The following GRXCR2 variants were observed in gnomAD, a reference collection of about 807,000 sequenced individuals.
GRXCR2 encodes glutaredoxin and cysteine rich domain containing 2.
A neutral mutation model predicts 24.8 loss-of-function variants in GRXCR2; 23 were observed. The ratio of observed to expected loss-of-function variants is 0.93; its 90% CI spans 0.67 to 1.32. The LOEUF (loss-of-function observed/expected upper bound fraction) is 1.32. Among genes scored for constraint, GRXCR2 ranks in the 40% most tolerant of loss-of-function variants. GRXCR2 has a pLI of 0.00. For missense variants in GRXCR2, 315 were observed against 303.4 expected (o/e 1.04, Z -0.28); for synonymous variants, 130 against 116.1 (o/e 1.12, Z -0.77).
At chr5:145,892,780 A>G (rs1404726731) in intron 2 of GRXCR2, among the ~76,000 whole-genome samples, 1 of 152,330 alleles carries the variant, frequency 6.6e-6, no homozygotes, top group East Asian at 1.9e-4. Context: ...AAGTACAAAG[A>G]ATGCCACAAA....
At chr5:145,893,043 G>C (rs1166185317) in intron 2 of GRXCR2, among the ~76,000 whole-genome samples, 1 of 152,120 alleles carries the variant, frequency 6.6e-6, no homozygotes, top group Admixed American at 6.5e-5. Context: ...AGCTTCATAA[G>C]TGAAGGAGAA....
chr5:145,912,090 C>T (rs1193839379), intron 2 of GRXCR2, among the ~76,000 whole-genome samples: 1 of 152,168 alleles, frequency 6.6e-6, no homozygotes, highest in African/African-American at 2.4e-5. Flanking sequence ...GAGTGAGACC[C>T]TATCTCAAAA....
chr5:145,910,603 C>T (rs1362213560), intron 2 of GRXCR2, among the ~76,000 whole-genome samples: 3 of 152,078 alleles, frequency 2.0e-5, no homozygotes, highest in South Asian at 4.1e-4. Context: ...TGATTACATA[C>T]TATCCACTAT....
chr5:145,917,029 T>C (rs186904379), intron 2 of GRXCR2, among the ~76,000 whole-genome samples: 13 of 151,640 alleles, frequency 8.6e-5, no homozygotes, highest in Admixed American at 5.2e-4. Context: ...CTAATAACAA[T>C]GGGAGCCATT....
At chr5:145,890,865 T>G (rs1756854192) in intron 2 of GRXCR2, among the ~76,000 whole-genome samples, 1 of 149,658 alleles carries the variant, frequency 6.7e-6, no homozygotes, top group Admixed American at 6.7e-5. Context: ...ATTGACCTGC[T>G]GTCTTCAAAA....
chr5:145,874,213 T>TA (rs1561678980), upstream of GRXCR2, among the ~76,000 whole-genome samples: 1 of 150,940 alleles, frequency 6.6e-6, no homozygotes, highest in African/African-American at 2.4e-5. Context: ...TATTTTATTT[T>TA]TTTTTTTTTG....
Position 145,917,568 on chromosome 5 carries a change from GA to G in GRXCR2, c.-70+18132del, listed in dbSNP as rs570462980. 1.8e-3 allele frequency among the ~76,000 whole-genome samples: 274 copies of G among 152,246 alleles called. 1 individual carries two copies. The highest frequency in any genetic ancestry group is 6.2e-3 in the African/African-American group (258 of 41,544). The stretch of plus-strand genomic sequence containing the variant: ...AGAAGAGAATGCAGACCTTCATCTA[GA>G]AGTTCACAGCCTGGAAGACAGTGAG... On this transcript the variant is annotated intron_variant, in intron 2 of 3. Transcript: ENST00000639411.
chr5:145,876,520 A>G (rs1219560713), upstream of GRXCR2, among the ~76,000 whole-genome samples: 2 of 152,122 alleles, frequency 1.3e-5, no homozygotes, highest in Admixed American at 1.3e-4. Flanking sequence ...GGAAACAAAT[A>G]TTAATAAATA....
intron 2 of GRXCR2, among the ~76,000 whole-genome samples, chr5:145,911,298 C>G (rs969835775): frequency 4.6e-5 from 7 of 152,072 alleles, no homozygotes; most frequent in Non-Finnish European, 8.8e-5. Flanking sequence ...GGTGCTTAGT[C>G]GGAGAAAGAG....
chr5:145,893,385 C>T (rs1411548575), intron 2 of GRXCR2, among the ~76,000 whole-genome samples: 2 of 152,090 alleles, frequency 1.3e-5, no homozygotes, highest in African/African-American at 4.8e-5. Flanking sequence ...ATTCAGGAAA[C>T]CCATCTCACG....
chr5:145,876,228 C>T (rs1301421921), upstream of GRXCR2, among the ~76,000 whole-genome samples: 164 of 128,574 alleles, frequency 1.3e-3, no homozygotes, highest in African/African-American at 4.2e-3. Context: ...CACACACACA[C>T]ACATACCCAC....
Position 145,872,726 on chromosome 5 carries a change from A to G in GRXCR2, c.243T>C (p.Thr81=). The G allele has an allele frequency of 6.2e-7, 1 of 1,613,718 alleles. No homozygotes were observed. Among genetic ancestry groups the G allele is most frequent in the Non-Finnish European group, 8.5e-7 (1 of 1,179,570 alleles). ...CTCTAAACACACTGATCCTCTGAGC[A>G]GTCAGCTTAGGGGAGCACATCTGGG... is the stretch of plus-strand genomic sequence containing the variant. ...PRPQMCSPKL[T]AQRISVFREG... Residue 81 remains threonine, a synonymous_variant, in exon 1 of 3, where the codon ACT becomes ACC. Transcript: ENST00000377976.
chr5:145,887,477 C>T (rs1756794152), intron 2 of GRXCR2, among the ~76,000 whole-genome samples: 1 of 152,086 alleles, frequency 6.6e-6, no homozygotes, highest in Non-Finnish European at 1.5e-5. Context: ...TTTTTTAGTA[C>T]TGTACTCAAA....
intron 2 of GRXCR2, among the ~76,000 whole-genome samples, chr5:145,891,284 G>C (rs1044946910): frequency 6.6e-6 from 1 of 152,104 alleles, no homozygotes; most frequent in Non-Finnish European, 1.5e-5. Flanking sequence ...CAGACAGTGG[G>C]TGCAGGACAG....
At chr5:145,925,689 A>G (rs781775331) in intron 2 of GRXCR2, among the ~76,000 whole-genome samples, 18 of 152,166 alleles carry the variant, frequency 1.2e-4, no homozygotes, top group Non-Finnish European at 2.4e-4. Context: ...AGAGAGACAC[A>G]ATTTATAAGA....
chr5:145,896,779 A>C (rs193299948), intron 2 of GRXCR2, among the ~76,000 whole-genome samples: 2,170 of 152,246 alleles, frequency 0.014, 56 homozygotes, highest in African/African-American at 0.05. Flanking sequence ...CAATCCCATT[A>C]CTGGGTATAT....
intron 2 of GRXCR2, among the ~76,000 whole-genome samples, chr5:145,899,095 G>C (rs1266065584): frequency 6.6e-6 from 1 of 152,036 alleles, no homozygotes; most frequent in Admixed American, 6.6e-5. Context: ...TCAGTACTAT[G>C]CATTTCTATG....
At chr5:145,930,057 A>C (rs575320623) in intron 2 of GRXCR2, among the ~76,000 whole-genome samples, 2 of 127,142 alleles carry the variant, frequency 1.6e-5, no homozygotes, top group Non-Finnish European at 3.6e-5. Flanking sequence ...GTTTTGGGCT[A>C]GTCTTTATTT....
chr5:145,863,678 T>G (rs1756378738), intron 2 of GRXCR2, among the ~76,000 whole-genome samples: 1 of 152,168 alleles, frequency 6.6e-6, no homozygotes, highest in African/African-American at 2.4e-5. Context: ...AAAAATTTTT[T>G]TGTAAAGACA....
Sources: allele counts gnomAD v4.1 joint callset (sites outside exome capture counted in the v4.1 genomes callset), GRCh38; gene constraint gnomAD v4.1.1; transcripts MANE v1.5; gene names NCBI Gene and HGNC (gene_info 2026-07-23, HGNC 2026-07-21).